HMGXB3: variants seen among roughly 807,000 people sequenced by gnomAD.
The protein encoded by HMGXB3 is HMG domain-containing protein 3.
HMGXB3 carries 45 observed loss-of-function variants against 121.5 expected under a neutral mutation model. The ratio of observed to expected loss-of-function variants is 0.37; its 90% CI spans 0.29 to 0.47. HMGXB3 has a LOEUF of 0.47. Among genes scored for constraint, HMGXB3 ranks in the 20% least tolerant of loss-of-function variants. HMGXB3 has a pLI of 0.99. For missense variants in HMGXB3, 1,376 were observed against 1,602.2 expected (o/e 0.86, Z 2.41); for synonymous variants, 590 against 624.1 (o/e 0.95, Z 0.81).
rs1182727361 is a variant in HMGXB3 at position 150,051,955 on chromosome 5, T to C, written c.3642T>C (p.Gly1214=). ...CCATCGTGGACAGCAAACCAAACGG[T>C]GTCCGCCAGCGGCCCATTGCCTTCG... ...LASIVDSKPN[G]VRQRPIAFDN... Residue 1214 remains glycine (G), a synonymous_variant, in exon 20 of 20, where the codon GGT becomes GGC. Coordinates refer to ENST00000502717, the MANE Select transcript of HMGXB3 (RefSeq NM_014983.3). 1 of 1,552,314 alleles carries C rather than the reference T, an allele frequency of 6.4e-7. No individual in the cohort carries two copies. The highest frequency in any genetic ancestry group is 8.7e-7 in the Non-Finnish European group (1 of 1,147,120).
At chr5:150,050,069 G>A (rs953586834) in intron 18 of HMGXB3, among the ~76,000 whole-genome samples, 183 bp from the exon 19 acceptor site, 2 of 152,176 alleles carry the variant, frequency 1.3e-5, no homozygotes, top group South Asian at 4.1e-4. Flanking sequence ...AGGATGAGCT[G>A]GTGACTTCAT....
intron 6 of HMGXB3, among the ~76,000 whole-genome samples, chr5:150,019,060 C>T (rs1756024920): frequency 6.6e-6 from 1 of 151,762 alleles, no homozygotes; most frequent in East Asian, 1.9e-4. Context: ...TCTCCTGTCT[C>T]GGCCTCCCAA....
intron 3 of HMGXB3, among the ~76,000 whole-genome samples, chr5:150,008,061 A>T (rs866493734): frequency 0.017 from 2,116 of 121,534 alleles, 65 homozygotes; most frequent in African/African-American, 0.05. Flanking sequence ...TGTTTCACAC[A>T]CACACACACA....
At chr5:150,037,630 T>A in intron 13 of HMGXB3, 103 bp downstream of exon 13, 2 of 1,021,876 alleles carry the variant, frequency 2.0e-6, no homozygotes, top group Non-Finnish European at 1.3e-6. Context: ...CCTTCTCAGA[T>A]GGGGCTTCTG....
At chr5:150,008,079 A>T (rs1031154526) in intron 3 of HMGXB3, among the ~76,000 whole-genome samples, 3 of 151,564 alleles carry the variant, frequency 2.0e-5, no homozygotes, top group African/African-American at 4.8e-5. Flanking sequence ...ACACACACAC[A>T]CACACACACA....
chr5:150,011,522 C>G (rs1755836755), intron 4 of HMGXB3, among the ~76,000 whole-genome samples: 1 of 152,040 alleles, frequency 6.6e-6, no homozygotes, highest in African/African-American at 2.4e-5. Flanking sequence ...AGGGCTAAAT[C>G]CTTATTTGTT....
rs57641340 is a variant in HMGXB3 at position 150,028,560 on chromosome 5, T to TATATATATA, written c.1734+1443_1734+1444insATATATATA. ...GTGTGTGTATATATATATATATATA[T>TATATATATA]TTTTTTTTTTTTTTTTTTCCTCCAG... On this transcript the variant is annotated intron_variant, in intron 9 of 19. Coordinates refer to ENST00000502717, the MANE Select transcript of HMGXB3 (RefSeq NM_014983.3). Among the ~76,000 whole-genome samples the TATATATATA allele has an allele frequency of 2.6e-3, 181 of 70,030 alleles. 1 individual carries two copies. Among genetic ancestry groups the TATATATATA allele is most frequent in the African/African-American group, 1.0e-2 (128 of 12,842 alleles). The allele number at this position is 70,030 out of a possible 152,430, so 45.9% of individuals were successfully genotyped here. A position where few individuals can be genotyped will look rare whatever the true frequency, so the allele number is the denominator to read the frequency against.
At chr5:150,005,398 G>A (rs984269258) in intron 2 of HMGXB3, among the ~76,000 whole-genome samples, 1 of 152,064 alleles carries the variant, frequency 6.6e-6, no homozygotes, top group African/African-American at 2.4e-5. Context: ...TCAGGAGTTC[G>A]AGACCAGCCT....
chr5:150,022,986 A>ATTTTTTT (rs56092645), intron 6 of HMGXB3, among the ~76,000 whole-genome samples: 1 of 100,868 alleles, frequency 9.9e-6, no homozygotes, highest in African/African-American at 4.4e-5. Flanking sequence ...TGCCTGGCTA[A>ATTTTTTT]TTTTTTTTTT....
At position 150,024,326 on chromosome 5, in the gene HMGXB3, A is replaced by G; in HGVS notation, c.1106A>G (p.Lys369Arg). ...SGVSSKGSVVKRNQQPVTTEQ... is the reference protein window; with the variant it reads ...SGVSSKGSVVRRNQQPVTTEQ... Reference sequence around the variant, plus strand: ...GTCTCTTCCAAAGGCTCTGTGGTGAAAAGAAATCAGCAACCTGTCACCACT... The same window carrying G: ...GTCTCTTCCAAAGGCTCTGTGGTGAGAAGAAATCAGCAACCTGTCACCACT... Residue 369 changes from lysine to arginine, a missense_variant, in exon 7 of 20, where the codon AAA becomes AGA. Transcript: ENST00000502717. The G allele has an allele frequency of 6.4e-7, 1 of 1,551,712 alleles. No homozygotes were observed. Among genetic ancestry groups the G allele is most frequent in the Non-Finnish European group, 8.7e-7 (1 of 1,147,010 alleles).
chr5:150,018,494 T>C, intron 5 of HMGXB3, 72 bp from the exon 6 acceptor site: 1 of 1,261,334 alleles, frequency 7.9e-7, no homozygotes, highest in Non-Finnish European at 1.0e-6. Flanking sequence ...CCTCCTGGTG[T>C]TGCTGTGATT....
chr5:150,031,612 A>G (rs767569423), intron 10 of HMGXB3, among the ~76,000 whole-genome samples: 5 of 152,250 alleles, frequency 3.3e-5, no homozygotes, highest in Non-Finnish European at 5.9e-5. Context: ...TCAACCAGCA[A>G]GATGTCTTTT....
At chr5:150,043,415 A>C (rs1197592419) in intron 15 of HMGXB3, among the ~76,000 whole-genome samples, 1 of 152,220 alleles carries the variant, frequency 6.6e-6, no homozygotes, top group African/African-American at 2.4e-5. Flanking sequence ...ACATGAGCTG[A>C]CTTTCAGGTA....
chr5:150,010,019 A>G (rs2113726534), intron 3 of HMGXB3, 92 bp from the exon 4 acceptor site: 1 of 1,347,332 alleles, frequency 7.4e-7, no homozygotes, highest in South Asian at 1.5e-5. Context: ...AAAAAAAAGA[A>G]CTTACACATA....
intron 16 of HMGXB3, 132 bp downstream of exon 16, chr5:150,045,817 A>G (rs1007114418): frequency 8.7e-6 from 6 of 686,802 alleles, no homozygotes; most frequent in Admixed American, 2.7e-5. Flanking sequence ...CAGAAAGATA[A>G]TAACAGCCCG....
At chr5:150,009,011 G>A (rs916622857) in intron 3 of HMGXB3, among the ~76,000 whole-genome samples, 1 of 152,080 alleles carries the variant, frequency 6.6e-6, no homozygotes, top group African/African-American at 2.4e-5. Flanking sequence ...GTTGACTTTA[G>A]TGTTCATTTT....
Position 150,024,508 on chromosome 5 carries a change from G to A in HMGXB3, c.1288G>A (p.Ala430Thr), listed in dbSNP as rs925746441. 18 of 1,551,598 alleles carry A rather than the reference G, an allele frequency of 1.2e-5. No individual in the cohort carries two copies. Among genetic ancestry groups the A allele is most frequent in the African/African-American group, 2.7e-5 (2 of 73,040 alleles). ...ISDAHVLVKE[A>T]PGNCGTAVTK... Reference sequence around the variant, plus strand: ...CGATGCCCATGTTTTGGTTAAGGAAGCTCCCGGGAATTGTGGTACAGCAGT... The same window carrying A: ...CGATGCCCATGTTTTGGTTAAGGAAACTCCCGGGAATTGTGGTACAGCAGT... Residue 430 changes from alanine (A) to threonine (T), a missense_variant, in exon 7 of 20, where the codon GCT becomes ACT. Coordinates refer to ENST00000502717, the MANE Select transcript of HMGXB3 (RefSeq NM_014983.3).
At chr5:150,031,738 C>CA (rs928995095) in intron 10 of HMGXB3, among the ~76,000 whole-genome samples, 1 of 152,118 alleles carries the variant, frequency 6.6e-6, no homozygotes, top group African/African-American at 2.4e-5. Flanking sequence ...TTCATTCCTT[C>CA]AAAAAATATT....
At chr5:150,042,694 TAC>T (rs965705478) in intron 15 of HMGXB3, among the ~76,000 whole-genome samples, 1 of 152,090 alleles carries the variant, frequency 6.6e-6, no homozygotes. Flanking sequence ...TTTAAGGACT[TAC>T]ACAGAGTGAA....
Sources: gnomAD v4.1 joint callset for allele counts (sites outside exome capture counted in the v4.1 genomes callset) on GRCh38, gnomAD v4.1.1 for gene constraint, MANE v1.5 for transcripts, NCBI Gene and HGNC (gene_info 2026-07-23, HGNC 2026-07-21) for gene names.